ST6GALNAC3: variants seen among roughly 807,000 people sequenced by gnomAD.
ST6GALNAC3 encodes ST6 N-acetylgalactosaminide alpha-2,6-sialyltransferase 3, also known as alpha-N-acetylgalactosaminide alpha-2,6-sialyltransferase 3.
A neutral mutation model predicts 32.7 loss-of-function variants in ST6GALNAC3; 25 were observed. The observed-to-expected ratio is 0.76, with a 90% confidence interval of 0.56 to 1.07. ST6GALNAC3 has a LOEUF of 1.07. Ranked by LOEUF, ST6GALNAC3 falls within the 50% of genes least tolerant of loss-of-function variation. The pLI is 0.00. For synonymous variants in ST6GALNAC3, 129 were observed against 133.1 expected, an observed-to-expected ratio of 0.97 and a Z score of 0.21; for missense variants, 355 against 382.4, an observed-to-expected ratio of 0.93 and a Z score of 0.60.
downstream of ST6GALNAC3, among the ~76,000 whole-genome samples, chr1:76,636,554 G>A (rs1156490395): frequency 6.6e-6 from 1 of 152,024 alleles, no homozygotes; most frequent in East Asian, 1.9e-4. Flanking sequence ...GCCTTAAAAA[G>A]ACTAGACACA....
chr1:76,103,786 G>T (rs1189480786), intron 1 of ST6GALNAC3, among the ~76,000 whole-genome samples: 1 of 152,048 alleles, frequency 6.6e-6, no homozygotes, highest in Non-Finnish European at 1.5e-5. Context: ...TCTCCTCTCT[G>T]TGTCTGTCTT....
Position 76,330,434 on chromosome 1 carries a change from G to C in ST6GALNAC3, c.213+16435G>C, listed in dbSNP as rs1570852204. On this transcript the variant is annotated intron_variant, in intron 2 of 4. Transcript: ENST00000328299. ...GCCTCCCAAAGTGCTGGGATTACAG[G>C]CGTGAGCCCGTGCCAGGCCAAGTAA... Among the ~76,000 whole-genome samples, 7 of 152,220 alleles carry C rather than the reference G, an allele frequency of 4.6e-5. No individual in the cohort carries two copies. In the South Asian group the frequency reaches 1.4e-3, roughly 31 times the overall value.
At chr1:76,222,345 G>A (rs907222432) in intron 1 of ST6GALNAC3, among the ~76,000 whole-genome samples, 1 of 152,118 alleles carries the variant, frequency 6.6e-6, no homozygotes, top group African/African-American at 2.4e-5. Context: ...ACCTGGCAAA[G>A]ATTTCATGAT....
intron 1 of ST6GALNAC3, among the ~76,000 whole-genome samples, chr1:76,096,057 C>T (rs77470744): frequency 0.011 from 1,711 of 152,284 alleles, 36 homozygotes; most frequent in African/African-American, 0.039. Context: ...GGAGCTGGCT[C>T]TGCTGGTGGT....
At chr1:76,257,399 A>G (rs1358474830) in intron 1 of ST6GALNAC3, among the ~76,000 whole-genome samples, 7 of 152,132 alleles carry the variant, frequency 4.6e-5, no homozygotes. Context: ...TGTTAAATGT[A>G]CAGTCACTGG....
At chr1:76,501,649 C>T (rs570743771) in intron 3 of ST6GALNAC3, among the ~76,000 whole-genome samples, 1 of 152,132 alleles carries the variant, frequency 6.6e-6, no homozygotes, top group Non-Finnish European at 1.5e-5. Context: ...GGCAGGCTAT[C>T]AAGGCAGCCT....
chr1:76,097,266 C>A lies in ST6GALNAC3; in HGVS notation c.18+22382C>A, dbSNP rs189590635. On this transcript the variant is annotated intron_variant, in intron 1 of 4. Coordinates refer to ENST00000328299, the MANE Select transcript of ST6GALNAC3 (RefSeq NM_152996.4). The stretch of plus-strand genomic sequence containing the variant: ...TTCTGATATGGTTTGGCTGTGTCCT[C>A]ACTCAAATCTTATCTTGAATTGAAG... Among the ~76,000 whole-genome samples the A allele has an allele frequency of 8.5e-4, 130 of 152,280 alleles. 1 individual carries two copies. The highest frequency in any genetic ancestry group is 1.9e-3 in the Admixed American group (29 of 15,286).
At chr1:76,573,904 T>C (rs891422063) in intron 3 of ST6GALNAC3, among the ~76,000 whole-genome samples, 3 of 152,044 alleles carry the variant, frequency 2.0e-5, no homozygotes, top group Non-Finnish European at 4.4e-5. Context: ...TAGAGAAGGA[T>C]GCAAGGAAAA....
At chr1:76,454,786 T>C (rs964977986) in intron 3 of ST6GALNAC3, among the ~76,000 whole-genome samples, 1 of 152,178 alleles carries the variant, frequency 6.6e-6, no homozygotes. Context: ...TTGCAATAAA[T>C]TTCTCAGGTC....
At position 76,179,510 on chromosome 1, in the gene ST6GALNAC3, G is replaced by T. The variant is rs1653046899; in HGVS notation, c.18+104626G>T. Among the ~76,000 whole-genome samples, 3 of 152,112 alleles carry T rather than the reference G, an allele frequency of 2.0e-5. No homozygotes were observed. In the South Asian group the frequency reaches 6.2e-4, roughly 31 times the overall value. On this transcript the variant is annotated intron_variant, in intron 1 of 4. Transcript: ENST00000328299. ...TCTACTAATTTGTCTACCAGTTTCT[G>T]CCCTTGTTCCTTGAGTCTTTTCCTA...
chr1:76,164,276 T>C (rs993836544), intron 1 of ST6GALNAC3, among the ~76,000 whole-genome samples: 2 of 151,970 alleles, frequency 1.3e-5, no homozygotes, highest in Non-Finnish European at 2.9e-5. Context: ...GGGAAAGAGC[T>C]GGGAGCTAGA....
chr1:76,448,334 T>G (rs1657136394), intron 3 of ST6GALNAC3, among the ~76,000 whole-genome samples: 1 of 152,184 alleles, frequency 6.6e-6, no homozygotes, highest in Admixed American at 6.5e-5. Flanking sequence ...CTAACTTGCT[T>G]TTGATTTTAC....
chr1:76,454,336 A>C (rs565757013), intron 3 of ST6GALNAC3, among the ~76,000 whole-genome samples: 1 of 152,062 alleles, frequency 6.6e-6, no homozygotes, highest in South Asian at 2.1e-4. Context: ...TTGTTGTCTG[A>C]AAATTTGGTG....
intron 1 of ST6GALNAC3, among the ~76,000 whole-genome samples, chr1:76,284,282 T>C (rs1659658234): frequency 6.6e-6 from 1 of 152,158 alleles, no homozygotes; most frequent in African/African-American, 2.4e-5. Context: ...AGTAAGTACA[T>C]CATTGTAAGC....
chr1:76,598,636 A>G (rs1052296276), intron 3 of ST6GALNAC3, among the ~76,000 whole-genome samples: 10 of 152,072 alleles, frequency 6.6e-5, no homozygotes, highest in African/African-American at 2.4e-4. Context: ...CCAAGCCTCC[A>G]CTAATCCTTC....
chr1:76,399,541 G>A (rs796584177), intron 2 of ST6GALNAC3, among the ~76,000 whole-genome samples: 1 of 152,146 alleles, frequency 6.6e-6, no homozygotes, highest in African/African-American at 2.4e-5. Flanking sequence ...TTCATCAAGG[G>A]CATTAGCTTT....
chr1:76,229,486 CT>C (rs1656246473), intron 1 of ST6GALNAC3, among the ~76,000 whole-genome samples: 1 of 152,210 alleles, frequency 6.6e-6, no homozygotes, highest in Non-Finnish European at 1.5e-5. Flanking sequence ...ACTTCTCTTC[CT>C]GCCTTTGTGT....
At chr1:76,143,583 A>G (rs988339574) in intron 1 of ST6GALNAC3, among the ~76,000 whole-genome samples, 1 of 152,200 alleles carries the variant, frequency 6.6e-6, no homozygotes, top group South Asian at 2.1e-4. Flanking sequence ...CTTGGAATAT[A>G]ATACCAAAGT....
At chr1:76,613,836 C>A (rs1241831683) in intron 3 of ST6GALNAC3, among the ~76,000 whole-genome samples, 2 of 152,224 alleles carry the variant, frequency 1.3e-5, no homozygotes, top group Admixed American at 1.3e-4. Context: ...GCCAACTAAA[C>A]CTCTTTTCTT....
Sources: gnomAD v4.1 joint callset for allele counts (sites outside exome capture counted in the v4.1 genomes callset) on GRCh38, gnomAD v4.1.1 for gene constraint, MANE v1.5 for transcripts, NCBI Gene and HGNC (gene_info 2026-07-23, HGNC 2026-07-21) for gene names.